The following PIP5K1B variants were observed in gnomAD, a reference collection of about 807,000 sequenced individuals.
The protein encoded by PIP5K1B is phosphatidylinositol-4-phosphate 5-kinase type 1 beta, also known as phosphatidylinositol 4-phosphate 5-kinase type-1 beta.
Under a neutral mutation model 67.0 loss-of-function variants are expected in PIP5K1B, and 42 were observed. That is an observed-to-expected ratio of 0.63 (90% CI 0.49 to 0.81). The LOEUF is 0.81. PIP5K1B is among the 30% of genes least tolerant of loss of function. PIP5K1B has a pLI of 0.00. For synonymous variants in PIP5K1B, 214 were observed against 231.4 expected, an observed-to-expected ratio of 0.92 and a Z score of 0.68; for missense variants, 459 against 646.3, an observed-to-expected ratio of 0.71 and a Z score of 3.14.
chr9:68,798,387 A>G (rs554043282), intron 2 of PIP5K1B, among the ~76,000 whole-genome samples: 5 of 152,328 alleles, frequency 3.3e-5, no homozygotes, highest in Admixed American at 3.3e-4. Flanking sequence ...GGCTTCATGG[A>G]GTTTACATTA....
At chr9:68,828,338 T>A (rs1433533454) in intron 4 of PIP5K1B, among the ~76,000 whole-genome samples, 1 of 152,254 alleles carries the variant, frequency 6.6e-6, no homozygotes, top group Non-Finnish European at 1.5e-5. Context: ...GCCTACAGTG[T>A]GCAGAGTCTT....
intron 5 of PIP5K1B, among the ~76,000 whole-genome samples, chr9:68,867,747 C>G (rs541077317): frequency 6.6e-6 from 1 of 152,096 alleles, no homozygotes. Flanking sequence ...CTAAGTATTT[C>G]CAAGCCCATA....
intron 14 of PIP5K1B, among the ~76,000 whole-genome samples, chr9:68,985,467 G>A (rs1489266690): frequency 6.6e-6 from 1 of 152,062 alleles, no homozygotes; most frequent in Admixed American, 6.5e-5. Flanking sequence ...GGCCAGGATG[G>A]TCTTGAACTC....
At chr9:68,898,610 C>T (rs999886282) in intron 8 of PIP5K1B, among the ~76,000 whole-genome samples, 6 of 152,164 alleles carry the variant, frequency 3.9e-5, no homozygotes, top group East Asian at 1.9e-4. Context: ...CTTCATCTTC[C>T]GCCAGGCCTG....
chr9:68,705,627 C>T lies in PIP5K1B; in HGVS notation c.-378C>T, dbSNP rs1410241358. The stretch of plus-strand genomic sequence containing the variant: ...CCGCCCGCCGCCCCCTCCGCCCTCC[C>T]GCCCCTCCCGCCCCTCCCGCCCCTC... On this transcript the variant is annotated 5_prime_UTR_variant, in exon 1 of 16. Transcript: ENST00000265382. 7.1e-6 allele frequency: 1 copy of T among 140,484 alleles called. No homozygotes were observed. Among genetic ancestry groups the T allele is most frequent in the Non-Finnish European group, 1.6e-5 (1 of 63,124 alleles). The allele number at this position is 140,484 out of a possible 1,614,324, so 8.7% of individuals were successfully genotyped here. A position where few individuals can be genotyped will look rare whatever the true frequency, so the allele number is the denominator to read the frequency against.
At chr9:68,965,834 A>G (rs1828995662) in intron 14 of PIP5K1B, among the ~76,000 whole-genome samples, 1 of 151,980 alleles carries the variant, frequency 6.6e-6, no homozygotes, top group Non-Finnish European at 1.5e-5. Flanking sequence ...GGCATGATGC[A>G]TACCTGGCAC....
At chr9:68,797,676 C>T (rs1832368412) in intron 2 of PIP5K1B, among the ~76,000 whole-genome samples, 1 of 152,066 alleles carries the variant, frequency 6.6e-6, no homozygotes, top group South Asian at 2.1e-4. Flanking sequence ...GATTTAATTG[C>T]TTAGAAATTA....
At chr9:68,996,570 T>C (rs1830609138) in intron 15 of PIP5K1B, among the ~76,000 whole-genome samples, 1 of 152,206 alleles carries the variant, frequency 6.6e-6, no homozygotes, top group South Asian at 2.1e-4. Flanking sequence ...AATCACGCAG[T>C]CTTCATAATA....
At chr9:68,944,633 T>C (rs1053709046) in intron 14 of PIP5K1B, among the ~76,000 whole-genome samples, 13 of 152,058 alleles carry the variant, frequency 8.5e-5, no homozygotes, top group Non-Finnish European at 1.9e-4. Context: ...AGAGGGAAAA[T>C]TGGCAAAGGC....
chr9:68,730,795 G>A (rs1489734212), intron 1 of PIP5K1B, among the ~76,000 whole-genome samples: 1 of 152,158 alleles, frequency 6.6e-6, no homozygotes, highest in Admixed American at 6.5e-5. Flanking sequence ...TGGGTGGGTA[G>A]GCTTTATGTA....
At chr9:68,724,518 T>C (rs958486864) in intron 1 of PIP5K1B, among the ~76,000 whole-genome samples, 3 of 152,188 alleles carry the variant, frequency 2.0e-5, no homozygotes, top group Non-Finnish European at 2.9e-5. Flanking sequence ...ACAGATTTAA[T>C]TGTTAAAATG....
chr9:68,796,850 T>C (rs1222619863), intron 2 of PIP5K1B, among the ~76,000 whole-genome samples: 2 of 152,232 alleles, frequency 1.3e-5, no homozygotes, highest in African/African-American at 4.8e-5. Flanking sequence ...TCCCATGTTT[T>C]CTAGGTTAGT....
intron 14 of PIP5K1B, among the ~76,000 whole-genome samples, chr9:68,968,001 G>A (rs1329712580): frequency 6.6e-6 from 1 of 152,094 alleles, no homozygotes; most frequent in East Asian, 1.9e-4. Flanking sequence ...TGCTGAGTGG[G>A]CAAAAAGTTC....
At chr9:68,961,216 C>CAAAAAAA (rs544251006) in intron 14 of PIP5K1B, among the ~76,000 whole-genome samples, 3 of 56,332 alleles carry the variant, frequency 5.3e-5, no homozygotes, top group Non-Finnish European at 1.0e-4. Context: ...GACTCCGTCT[C>CAAAAAAA]AAAAAAAAAA....
chr9:68,931,936 T>G (rs1233906114), intron 12 of PIP5K1B, among the ~76,000 whole-genome samples: 1 of 152,212 alleles, frequency 6.6e-6, no homozygotes, highest in Non-Finnish European at 1.5e-5. Flanking sequence ...ATCCAAGCTC[T>G]TATCTGCTGA....
At chr9:68,967,018 T>C (rs1171806511) in intron 14 of PIP5K1B, among the ~76,000 whole-genome samples, 1 of 152,218 alleles carries the variant, frequency 6.6e-6, no homozygotes, top group African/African-American at 2.4e-5. Context: ...TCACCTGCCA[T>C]AGAATCCCAA....
chr9:68,887,223 G>A (rs2132371422), intron 6 of PIP5K1B, among the ~76,000 whole-genome samples: 1 of 152,234 alleles, frequency 6.6e-6, no homozygotes, highest in Non-Finnish European at 1.5e-5. Context: ...GTATTTACTT[G>A]TTTACTGTCT....
At chr9:68,762,779 T>G (rs1239322780) in intron 2 of PIP5K1B, among the ~76,000 whole-genome samples, 3 of 152,126 alleles carry the variant, frequency 2.0e-5, no homozygotes, top group African/African-American at 7.2e-5. Context: ...TTTCAGCCAC[T>G]TAGTCACTTA....
intron 2 of PIP5K1B, among the ~76,000 whole-genome samples, chr9:68,759,643 G>A (rs1226143131): frequency 2.6e-5 from 4 of 151,980 alleles, no homozygotes; most frequent in Admixed American, 6.6e-5. Flanking sequence ...TTAAAAAACA[G>A]ATTGTCAGAA....
Sources: allele counts gnomAD v4.1 joint callset (sites outside exome capture counted in the v4.1 genomes callset), GRCh38; gene constraint gnomAD v4.1.1; transcripts MANE v1.5; gene names NCBI Gene and HGNC (gene_info 2026-07-23, HGNC 2026-07-21).